The following FERMT1 variants were observed in gnomAD, a reference collection of about 807,000 sequenced individuals.
FERMT1 encodes the protein FERM domain containing kindlin 1, also known as fermitin family homolog 1.
In FERMT1, 60 loss-of-function variants were observed where a neutral mutation model predicts 85.3. The observed-to-expected ratio is 0.70, with a 90% confidence interval of 0.57 to 0.87. The LOEUF (loss-of-function observed/expected upper bound fraction) is 0.87. FERMT1 is among the 40% of genes least tolerant of loss of function. FERMT1 has a pLI of 0.00. For synonymous variants in FERMT1, 275 were observed against 301.1 expected, an observed-to-expected ratio of 0.91 and a Z score of 0.90; for missense variants, 701 against 818.9, an observed-to-expected ratio of 0.86 and a Z score of 1.76.
intron 6 of FERMT1, among the ~76,000 whole-genome samples, chr20:6,100,792 T>TA (rs2123124460): frequency 1.3e-5 from 2 of 152,168 alleles, no homozygotes; most frequent in African/African-American, 2.4e-5. Context: ...TTTTTAATGG[T>TA]AAAAAATATC....
intron 2 of FERMT1, among the ~76,000 whole-genome samples, chr20:6,117,245 T>C (rs761857467): frequency 6.6e-6 from 1 of 152,206 alleles, no homozygotes; most frequent in Non-Finnish European, 1.5e-5. Context: ...TTTCTTTAAA[T>C]GATTTTTTCT....
chr20:6,077,607 A>C (rs1981865426), intron 14 of FERMT1, among the ~76,000 whole-genome samples: 1 of 152,174 alleles, frequency 6.6e-6, no homozygotes, highest in Non-Finnish European at 1.5e-5. Context: ...TACAGTTTAG[A>C]TACAAGGATT....
chr20:6,090,048 A>G (rs558062967), intron 9 of FERMT1, among the ~76,000 whole-genome samples: 42 of 152,114 alleles, frequency 2.8e-4, no homozygotes, highest in Admixed American at 2.7e-3. Context: ...CCTCTTGGAG[A>G]AGAGAGGAAC....
At chr20:6,103,697 G>A (rs1600440706) in intron 6 of FERMT1, among the ~76,000 whole-genome samples, 1 of 149,700 alleles carries the variant, frequency 6.7e-6, no homozygotes, top group African/African-American at 2.5e-5. Flanking sequence ...ATTTTTAGGA[G>A]CTCTTTACAT....
At chr20:6,101,848 A>G (rs1381760720) in intron 6 of FERMT1, among the ~76,000 whole-genome samples, 1 of 151,804 alleles carries the variant, frequency 6.6e-6, no homozygotes, top group Non-Finnish European at 1.5e-5. Context: ...TAGAGACAGG[A>G]TTTCACCATG....
chr20:6,076,870 TTC>T lies in FERMT1; in HGVS notation c.*301_*302del, dbSNP rs1170892420. 2.4e-5 allele frequency: 11 copies of T among 465,542 alleles called. No individual in the cohort carries two copies. Among genetic ancestry groups the T allele is most frequent in the Non-Finnish European group, 4.0e-5 (10 of 253,082 alleles). 28.8% of individuals were successfully genotyped at this position (465,542 alleles called of 1,614,324 possible). On this transcript the variant is annotated 3_prime_UTR_variant, in exon 15 of 15. Coordinates refer to ENST00000217289, the MANE Select transcript of FERMT1 (RefSeq NM_017671.5). The stretch of plus-strand genomic sequence containing the variant: ...AACTTGTAGCCATACACCTGGCAGG[TTC>T]TGCAAGTCAGAGAACTGTAACCACA...
intron 2 of FERMT1, 125 bp downstream of exon 2, chr20:6,119,279 G>T: frequency 1.0e-6 from 1 of 980,764 alleles, no homozygotes; most frequent in Non-Finnish European, 1.6e-6. Context: ...CTGGGATGAG[G>T]GGTGGGGGAT....
chr20:6,111,356 G>T (rs1982943084), intron 4 of FERMT1, among the ~76,000 whole-genome samples: 2 of 151,822 alleles, frequency 1.3e-5, no homozygotes, highest in Admixed American at 1.3e-4. Flanking sequence ...TCTTGGCCGG[G>T]TGTGGTGGCT....
intron 14 of FERMT1, among the ~76,000 whole-genome samples, chr20:6,078,340 A>G (rs1397061251): frequency 6.6e-6 from 1 of 152,252 alleles, no homozygotes; most frequent in Non-Finnish European, 1.5e-5. Flanking sequence ...AACACTGCTG[A>G]GAGGAAGTCA....
intron 8 of FERMT1, 142 bp from the exon 9 acceptor site, chr20:6,095,130 C>G: frequency 1.6e-6 from 1 of 623,640 alleles, no homozygotes; most frequent in African/African-American, 1.8e-5. Flanking sequence ...AAATGAAAAA[C>G]TCAGTTCTTC....
Position 6,084,128 on chromosome 20 carries a change from C to T in FERMT1, c.1630G>A (p.Ala544Thr). The T allele has an allele frequency of 1.2e-6, 2 of 1,613,554 alleles. No homozygotes were observed. The highest frequency in any genetic ancestry group is 2.2e-5 in the East Asian group (1 of 44,872). Residue 544 changes from alanine (A) to threonine (T), a missense_variant, in exon 13 of 15, where the codon GCC becomes ACC. Coordinates refer to ENST00000217289, the MANE Select transcript of FERMT1 (RefSeq NM_017671.5). The part of the protein sequence containing the change: ...ARILEAHQNV[A>T]QMPLVEAKLR... ...TTGGCTTCGACCAGGGGCATCTGGG[C>T]CACGTTCTGGTGCGCCTCCAGGATC...
At chr20:6,094,900 G>A in intron 9 of FERMT1, 39 bp downstream of exon 9, 1 of 1,127,206 alleles carries the variant, frequency 8.9e-7, no homozygotes, top group Non-Finnish European at 1.4e-6. Flanking sequence ...TCAAGACTTT[G>A]TTATGAGTAA....
intron 13 of FERMT1, among the ~76,000 whole-genome samples, chr20:6,080,493 A>G (rs1293043267): frequency 6.6e-6 from 1 of 152,206 alleles, no homozygotes; most frequent in Non-Finnish European, 1.5e-5. Flanking sequence ...TTTAGATTTT[A>G]AAAGGATCCC....
At chr20:6,087,946 G>T in intron 10 of FERMT1, 63 bp from the exon 11 acceptor site, 1 of 930,606 alleles carries the variant, frequency 1.1e-6, no homozygotes, top group Non-Finnish European at 1.8e-6. Context: ...AACATCAGGT[G>T]TGTATCTGAA....
At chr20:6,094,420 A>G (rs1982447366) in intron 9 of FERMT1, among the ~76,000 whole-genome samples, 1 of 152,242 alleles carries the variant, frequency 6.6e-6, no homozygotes, top group Admixed American at 6.5e-5. Flanking sequence ...AGGTAGATAA[A>G]CTAAGGTGAC....
intron 5 of FERMT1, among the ~76,000 whole-genome samples, chr20:6,109,903 A>AC (rs1491188652): frequency 5.9e-5 from 1 of 16,964 alleles, no homozygotes; most frequent in African/African-American, 2.4e-3. Context: ...ACTCCATCTC[A>AC]AAAAAAAAAA....
Position 6,104,597 on chromosome 20 carries a change from G to T in FERMT1, c.849+2935C>A, listed in dbSNP as rs564032419. Among the ~76,000 whole-genome samples the T allele has an allele frequency of 6.6e-6, 1 of 152,126 alleles. No homozygotes were observed. The highest frequency in any genetic ancestry group is 1.5e-5 in the Non-Finnish European group (1 of 68,030). ...TCCTGAGTCTTCCTGTCACCTTTGG[G>T]TTGACAGTTTCTGTGTGGCTGTTAG... On this transcript the variant is annotated intron_variant, in intron 6 of 14. Transcript: ENST00000217289. The surrounding 1 kb of genome is among the most constrained non-coding windows in gnomAD (Gnocchi z 4.2).
chr20:6,118,669 A>G (rs1983176410), intron 2 of FERMT1, among the ~76,000 whole-genome samples: 1 of 152,234 alleles, frequency 6.6e-6, no homozygotes, highest in Non-Finnish European at 1.5e-5. Flanking sequence ...TAGGTTGATA[A>G]TGTTGACATC....
At chr20:6,083,539 A>T (rs868730365) in intron 13 of FERMT1, among the ~76,000 whole-genome samples, 1 of 151,898 alleles carries the variant, frequency 6.6e-6, no homozygotes, top group Non-Finnish European at 1.5e-5. Context: ...GACATGAAAG[A>T]AAGTCGTAGC....
Sources: allele counts gnomAD v4.1 joint callset (sites outside exome capture counted in the v4.1 genomes callset), GRCh38; gene constraint gnomAD v4.1.1; non-coding constraint Gnocchi (gnomAD v3.1); transcripts MANE v1.5; gene names NCBI Gene and HGNC (gene_info 2026-07-23, HGNC 2026-07-21).